TENM3: variants seen among roughly 807,000 people sequenced by gnomAD.
TENM3 encodes the protein teneurin-3.
TENM3 carries 63 observed loss-of-function variants against 255.1 expected under a neutral mutation model. The ratio of observed to expected loss-of-function variants is 0.25; its 90% CI spans 0.20 to 0.30. The LOEUF is 0.30. TENM3 is among the 10% of genes least tolerant of loss of function. The pLI, the probability that TENM3 is intolerant of heterozygous loss-of-function variation, is 1.00. For missense variants in TENM3, 2,929 were observed against 3,461.1 expected (o/e 0.85, Z 3.86); for synonymous variants, 1,306 against 1,322.3 (o/e 0.99, Z 0.27).
intron 1 of TENM3, among the ~76,000 whole-genome samples, chr4:182,310,086 T>C (rs1355863112): frequency 6.6e-6 from 1 of 152,230 alleles, no homozygotes; most frequent in Non-Finnish European, 1.5e-5. Flanking sequence ...AGCTAGACTT[T>C]AGACATAGTT....
At chr4:182,386,577 G>A (rs1356693847) in intron 3 of TENM3, among the ~76,000 whole-genome samples, 1 of 152,220 alleles carries the variant, frequency 6.6e-6, no homozygotes, top group Non-Finnish European at 1.5e-5. Flanking sequence ...GCGCGAGCAG[G>A]AACTGGGGCT....
At chr4:181,682,235 A>G in the TENM3 span, among the ~76,000 whole-genome samples, 1 of 152,176 alleles carries the variant, frequency 6.6e-6, no homozygotes, top group Non-Finnish European at 1.5e-5. Flanking sequence ...GGGTGTTTAT[A>G]TCATCGAACG....
chr4:181,676,886 G>A, the TENM3 span, among the ~76,000 whole-genome samples: 118,942 of 151,826 alleles, frequency 0.78, 46,719 homozygotes, highest in Middle Eastern at 0.82. Flanking sequence ...TTTAGTCCTC[G>A]TTAGAGATCT....
At chr4:181,683,685 T>A in the TENM3 span, among the ~76,000 whole-genome samples, 1 of 152,114 alleles carries the variant, frequency 6.6e-6, no homozygotes, top group African/African-American at 2.4e-5. Flanking sequence ...GGCGATGGTC[T>A]AGGAGAGGCG....
chr4:181,909,583 G>A, the TENM3 span, among the ~76,000 whole-genome samples: 1 of 152,064 alleles, frequency 6.6e-6, no homozygotes, highest in East Asian at 1.9e-4. Flanking sequence ...CAGCACAGCT[G>A]GGGAGAATTT....
At chr4:181,820,526 A>AT in the TENM3 span, among the ~76,000 whole-genome samples, 1 of 150,668 alleles carries the variant, frequency 6.6e-6, no homozygotes, top group Non-Finnish European at 1.5e-5. Context: ...GTAGTTTGGG[A>AT]TAAAAAGCCT....
chr4:182,456,569 T>G (rs570520062), intron 3 of TENM3, among the ~76,000 whole-genome samples: 1 of 152,340 alleles, frequency 6.6e-6, no homozygotes, highest in African/African-American at 2.4e-5. Flanking sequence ...TTAACTTACA[T>G]GTACAGTTAA....
chr4:181,996,913 G>A, the TENM3 span, among the ~76,000 whole-genome samples: 5 of 152,140 alleles, frequency 3.3e-5, no homozygotes, highest in Middle Eastern at 3.2e-3. Flanking sequence ...TCTGAGGAGC[G>A]GATTATAATG....
chr4:181,863,558 G>A, the TENM3 span, among the ~76,000 whole-genome samples: 2 of 152,050 alleles, frequency 1.3e-5, no homozygotes, highest in African/African-American at 4.8e-5. Context: ...AGAAATTTGG[G>A]CTCTCTGCAA....
At chr4:181,492,379 A>G in the TENM3 span, among the ~76,000 whole-genome samples, 1 of 152,212 alleles carries the variant, frequency 6.6e-6, no homozygotes, top group African/African-American at 2.4e-5. Flanking sequence ...AGGCATTGTA[A>G]GTATGAAGCA....
chr4:182,293,750 C>A (rs534293990), intron 1 of TENM3, among the ~76,000 whole-genome samples: 2 of 148,742 alleles, frequency 1.3e-5, no homozygotes, highest in African/African-American at 2.4e-5. Flanking sequence ...TGCTTTAAAG[C>A]GCCCACCCCG....
At chr4:181,540,233 T>G in the TENM3 span, among the ~76,000 whole-genome samples, 1 of 152,082 alleles carries the variant, frequency 6.6e-6, no homozygotes, top group African/African-American at 2.4e-5. Context: ...CGAATTAAAG[T>G]AGTAAAATAA....
intron 2 of TENM3, among the ~76,000 whole-genome samples, chr4:182,326,698 A>C (rs1380439661): frequency 6.9e-6 from 1 of 145,466 alleles, no homozygotes; most frequent in African/African-American, 2.6e-5. Flanking sequence ...CCACCATGCC[A>C]GGGTAATTTT....
the TENM3 span, among the ~76,000 whole-genome samples, chr4:181,481,689 C>T: frequency 5.9e-5 from 9 of 152,160 alleles, no homozygotes; most frequent in African/African-American, 2.2e-4. Context: ...TCTCTTCCAG[C>T]AGTTTGGCCA....
intron 1 of TENM3, among the ~76,000 whole-genome samples, chr4:182,320,049 G>A (rs1315712939): frequency 1.3e-5 from 2 of 152,138 alleles, no homozygotes; most frequent in African/African-American, 2.4e-5. Context: ...GGAGGCAGAG[G>A]TTGCAGTGAG....
chr4:182,526,307 T>C (rs1456098626), intron 3 of TENM3, among the ~76,000 whole-genome samples: 1 of 152,078 alleles, frequency 6.6e-6, no homozygotes, highest in Non-Finnish European at 1.5e-5. Flanking sequence ...ATGTATCTCG[T>C]AGAGGCAGTC....
At chr4:182,140,123 T>C (rs938844647), upstream of TENM3, among the ~76,000 whole-genome samples, 1 of 152,228 alleles carries the variant, frequency 6.6e-6, no homozygotes, top group African/African-American at 2.4e-5. Context: ...CACCCAATAA[T>C]AACTTTGTCT....
chr4:182,120,167 C>A, the TENM3 span, among the ~76,000 whole-genome samples: 1 of 151,962 alleles, frequency 6.6e-6, no homozygotes, highest in Non-Finnish European at 1.5e-5. Flanking sequence ...AAGAGAGGTT[C>A]AGGCACTGAA....
At chr4:182,549,581 C>T (rs1741803929) in intron 3 of TENM3, among the ~76,000 whole-genome samples, 1 of 152,140 alleles carries the variant, frequency 6.6e-6, no homozygotes, top group African/African-American at 2.4e-5. Context: ...AGCAGTCCAC[C>T]CATTGTTCGA....
Sources: gnomAD v4.1 joint callset for allele counts (sites outside exome capture counted in the v4.1 genomes callset) on GRCh38, gnomAD v4.1.1 for gene constraint, MANE v1.5 for transcripts, NCBI Gene and HGNC (gene_info 2026-07-23, HGNC 2026-07-21) for gene names.